The following HHAT variants were observed in gnomAD, a reference collection of about 807,000 sequenced individuals.
HHAT encodes hedgehog acyltransferase.
A neutral mutation model predicts 70.8 loss-of-function variants in HHAT; 47 were observed. The observed-to-expected ratio is 0.66, with a 90% confidence interval of 0.53 to 0.85. The LOEUF (loss-of-function observed/expected upper bound fraction) is 0.85. HHAT is among the 40% of genes least tolerant of loss of function. The probability of loss-of-function intolerance (pLI) is 0.00; values close to 1 mark genes in which losing one functional copy is unlikely to be tolerated. For synonymous variants in HHAT, 228 were observed against 247.6 expected (o/e 0.92, Z 0.74); for missense variants, 609 against 604.8 (o/e 1.01, Z -0.07).
chr1:210,425,296 TTGTC>T (rs1371977032), intron 7 of HHAT, among the ~76,000 whole-genome samples: 2 of 152,212 alleles, frequency 1.3e-5, no homozygotes, highest in Non-Finnish European at 2.9e-5. Context: ...ATTTTGTAGG[TTGTC>T]TGTTTACTCT....
chr1:210,377,693 G>A (rs891886743), intron 3 of HHAT, among the ~76,000 whole-genome samples: 8 of 152,186 alleles, frequency 5.3e-5, no homozygotes, highest in East Asian at 1.9e-4. Context: ...TCCTCTTGAT[G>A]TAATTAAACC....
At chr1:210,440,961 C>T (rs1435845967) in intron 7 of HHAT, among the ~76,000 whole-genome samples, 1 of 152,188 alleles carries the variant, frequency 6.6e-6, no homozygotes, top group Non-Finnish European at 1.5e-5. Flanking sequence ...ATGAGTAGCT[C>T]ATAGAATCAC....
intron 11 of HHAT, among the ~76,000 whole-genome samples, chr1:210,669,823 C>T (rs1679719110): frequency 6.6e-6 from 1 of 152,188 alleles, no homozygotes; most frequent in African/African-American, 2.4e-5. Flanking sequence ...GCATACTGCC[C>T]ACCAGGCAGT....
At chr1:210,464,886 C>G (rs1435360275) in intron 8 of HHAT, among the ~76,000 whole-genome samples, 1 of 152,138 alleles carries the variant, frequency 6.6e-6, no homozygotes, top group Non-Finnish European at 1.5e-5. Context: ...CTTTCTGAGT[C>G]TGTGTACCGA....
At position 210,622,033 on chromosome 1, in the gene HHAT, T is replaced by C. The variant is rs553745483; in HGVS notation, c.1246-1493T>C. On this transcript the variant is annotated intron_variant, in intron 10 of 11. Transcript: ENST00000261458. Reference sequence around the variant, plus strand: ...GAACAGGAGGAGTCAGAAATTCATTTCTCTAGATGGAGAGGACACTGACCA... The same window carrying C: ...GAACAGGAGGAGTCAGAAATTCATTCCTCTAGATGGAGAGGACACTGACCA... Among the ~76,000 whole-genome samples the C allele has an allele frequency of 2.0e-5, 3 of 152,184 alleles. No homozygotes were observed. The East Asian group carries it at 5.8e-4, about 29-fold the overall frequency.
At chr1:210,587,341 G>T (rs1294326642) in intron 9 of HHAT, among the ~76,000 whole-genome samples, 1 of 152,208 alleles carries the variant, frequency 6.6e-6, no homozygotes, top group Admixed American at 6.5e-5. Flanking sequence ...CAGGGGAACT[G>T]CCCTTTATAC....
intron 11 of HHAT, among the ~76,000 whole-genome samples, chr1:210,641,430 A>C (rs1346727015): frequency 6.6e-6 from 1 of 152,224 alleles, no homozygotes; most frequent in Admixed American, 6.5e-5. Flanking sequence ...TTGGTACGCA[A>C]GTAATTGCAG....
At chr1:210,558,535 G>T (rs942092488) in intron 9 of HHAT, among the ~76,000 whole-genome samples, 1 of 152,198 alleles carries the variant, frequency 6.6e-6, no homozygotes, top group Non-Finnish European at 1.5e-5. Context: ...GGGAGCATAA[G>T]GGGGAAGGGA....
chr1:210,577,071 G>T (rs905958568), intron 9 of HHAT, among the ~76,000 whole-genome samples: 9 of 127,912 alleles, frequency 7.0e-5, no homozygotes, highest in Non-Finnish European at 1.6e-4. Context: ...TTTGTTTAAC[G>T]GGTTTTTTTT....
chr1:210,336,605 A>G lies in HHAT; in HGVS notation c.-44+7501A>G, dbSNP rs74884087. Among the ~76,000 whole-genome samples the G allele has an allele frequency of 6.6e-5, 10 of 152,018 alleles. No individual in the cohort carries two copies. In the East Asian group the frequency reaches 1.9e-3, roughly 30 times the overall value. On this transcript the variant is annotated intron_variant, in intron 1 of 11. Transcript: ENST00000261458. ...TTGAGATCAGCCTGGCCAACATAGCAAGATCCTGTCTCTAAACAAGACTAA... is the reference window on the plus strand; with the variant it reads ...TTGAGATCAGCCTGGCCAACATAGCGAGATCCTGTCTCTAAACAAGACTAA...
chr1:210,493,955 G>A (rs1489339055), intron 8 of HHAT, among the ~76,000 whole-genome samples: 1 of 152,144 alleles, frequency 6.6e-6, no homozygotes, highest in African/African-American at 2.4e-5. Flanking sequence ...TTGAAATTGA[G>A]GGTGACCTTC....
At chr1:210,565,929 G>T (rs1428144986) in intron 9 of HHAT, among the ~76,000 whole-genome samples, 1 of 152,186 alleles carries the variant, frequency 6.6e-6, no homozygotes, top group Admixed American at 6.5e-5. Context: ...GGGCAAGACG[G>T]CCTCTTGGAT....
Position 210,606,601 on chromosome 1 carries a change from T to G in HHAT, c.1246-16925T>G, listed in dbSNP as rs145188358. Among the ~76,000 whole-genome samples, 217 of 152,338 alleles carry G rather than the reference T, an allele frequency of 1.4e-3. 1 individual carries two copies. The highest frequency in any genetic ancestry group is 5.1e-3 in the African/African-American group (214 of 41,576). On this transcript the variant is annotated intron_variant, in intron 10 of 11. Transcript: ENST00000261458. ...ATGCTCTGTTTAGCTGTTGCACTGATGCTTCCCTTCTCCTCTCTCCTTTAA... is the reference window on the plus strand; with the variant it reads ...ATGCTCTGTTTAGCTGTTGCACTGAGGCTTCCCTTCTCCTCTCTCCTTTAA...
intron 9 of HHAT, among the ~76,000 whole-genome samples, chr1:210,527,523 C>T (rs1182133529): frequency 6.6e-6 from 1 of 152,232 alleles, no homozygotes; most frequent in Non-Finnish European, 1.5e-5. Flanking sequence ...TCACCATTAT[C>T]AGCATCATAA....
intron 10 of HHAT, among the ~76,000 whole-genome samples, chr1:210,608,676 G>C (rs951244877): frequency 6.6e-6 from 1 of 152,252 alleles, no homozygotes. Context: ...TAGTCCATTT[G>C]TGCTGCTGTA....
At chr1:210,406,200 AC>A (rs1387992040) in intron 6 of HHAT, among the ~76,000 whole-genome samples, 1 of 152,164 alleles carries the variant, frequency 6.6e-6, no homozygotes, top group Non-Finnish European at 1.5e-5. Flanking sequence ...CCAGCCAATA[AC>A]TTTTGGACCA....
intron 9 of HHAT, among the ~76,000 whole-genome samples, chr1:210,576,035 G>A (rs975618948): frequency 2.6e-5 from 4 of 152,126 alleles, no homozygotes; most frequent in Admixed American, 1.3e-4. Context: ...CCAGTGTTAG[G>A]TGTGTGGAGA....
intron 3 of HHAT, among the ~76,000 whole-genome samples, chr1:210,377,293 T>C (rs1272638046): frequency 2.6e-5 from 4 of 152,140 alleles, no homozygotes; most frequent in Admixed American, 2.0e-4. Context: ...ATCTCCAATT[T>C]GTTTATCACC....
Position 210,438,761 on chromosome 1 carries a change from G to A in HHAT, c.856+20436G>A, listed in dbSNP as rs926965069. 6.6e-5 allele frequency among the ~76,000 whole-genome samples: 10 copies of A among 151,902 alleles called. 1 individual carries two copies. The highest frequency in any genetic ancestry group is 1.7e-4 in the African/African-American group (7 of 41,168). On this transcript the variant is annotated intron_variant, in intron 7 of 11. Transcript: ENST00000261458. Reference sequence around the variant, plus strand: ...TTATATAATGACAATAAAAATAACCGTAGTGGAAATGATAGCTAGCATATA... The same window carrying A: ...TTATATAATGACAATAAAAATAACCATAGTGGAAATGATAGCTAGCATATA...
Sources: gnomAD v4.1 joint callset for allele counts (sites outside exome capture counted in the v4.1 genomes callset) on GRCh38, gnomAD v4.1.1 for gene constraint, MANE v1.5 for transcripts, NCBI Gene and HGNC (gene_info 2026-07-23, HGNC 2026-07-21) for gene names.